The following CLSTN2 variants were observed in gnomAD, a reference collection of about 807,000 sequenced individuals.
CLSTN2 encodes calsyntenin-2.
CLSTN2 carries 48 observed loss-of-function variants against 101.2 expected under a neutral mutation model. The observed-to-expected ratio is 0.47, with a 90% CI of 0.38 to 0.60. The LOEUF (loss-of-function observed/expected upper bound fraction) is 0.60, where lower values mean the gene tolerates loss of function less well. Ranked by LOEUF, CLSTN2 falls within the 20% of genes least tolerant of loss-of-function variation. CLSTN2 has a pLI of 0.00. For missense variants in CLSTN2, 1,160 were observed against 1,238.2 expected (o/e 0.94, Z 0.95); for synonymous variants, 481 against 463.6 (o/e 1.04, Z -0.48).
intron 1 of CLSTN2, among the ~76,000 whole-genome samples, chr3:140,138,057 C>T (rs2009641586): frequency 6.6e-6 from 1 of 152,122 alleles, no homozygotes; most frequent in Non-Finnish European, 1.5e-5. Flanking sequence ...ATGGAAGGGT[C>T]TTTAGTAAGG....
intron 1 of CLSTN2, among the ~76,000 whole-genome samples, chr3:140,163,079 G>A (rs534153830): frequency 1.3e-5 from 2 of 152,142 alleles, no homozygotes; most frequent in African/African-American, 4.8e-5. Flanking sequence ...GTGATGATTA[G>A]TTTGTGATAT....
At chr3:140,198,991 G>T (rs553899614) in intron 2 of CLSTN2, among the ~76,000 whole-genome samples, 2 of 152,296 alleles carry the variant, frequency 1.3e-5, no homozygotes, top group Non-Finnish European at 2.9e-5. Context: ...TCCCAGGTAG[G>T]ATTCTCCAAG....
intron 2 of CLSTN2, among the ~76,000 whole-genome samples, chr3:140,188,816 G>A (rs917639018): frequency 2.6e-5 from 4 of 152,032 alleles, no homozygotes; most frequent in Non-Finnish European, 4.4e-5. Context: ...ATAACATCAC[G>A]CAAAGCTATG....
intron 2 of CLSTN2, among the ~76,000 whole-genome samples, chr3:140,307,092 G>GCT (rs892415033): frequency 2.0e-5 from 3 of 152,028 alleles, no homozygotes; most frequent in African/African-American, 7.2e-5. Context: ...CCCTGCACAA[G>GCT]CTCTCTCTCT....
chr3:140,406,216 T>C (rs2088300396), intron 4 of CLSTN2, among the ~76,000 whole-genome samples: 1 of 152,160 alleles, frequency 6.6e-6, no homozygotes, highest in South Asian at 2.1e-4. Context: ...TGAGACCAGG[T>C]AGAAACTTAC....
chr3:140,087,874 T>C (rs1315195505), intron 1 of CLSTN2, among the ~76,000 whole-genome samples: 1 of 152,104 alleles, frequency 6.6e-6, no homozygotes, highest in Non-Finnish European at 1.5e-5. Flanking sequence ...GATAGTAGTG[T>C]CTGGAAGGTG....
chr3:140,446,161 C>T (rs549109729), intron 5 of CLSTN2, among the ~76,000 whole-genome samples: 2 of 152,256 alleles, frequency 1.3e-5, no homozygotes, highest in African/African-American at 2.4e-5. Context: ...AAAAAGCCAC[C>T]TTTTGCTCCA....
chr3:140,329,936 T>C lies in CLSTN2; in HGVS notation c.233-73693T>C, dbSNP rs6802003. On this transcript the variant is annotated intron_variant, in intron 2 of 16. Coordinates refer to ENST00000458420, the MANE Select transcript of CLSTN2 (RefSeq NM_022131.3). ...TTTTCTTCCCCTGTTCAGGGAGGAA[T>C]GGCCCTGAGTGCCCAGCCTGGCCCC... Among the ~76,000 whole-genome samples, 750 of 152,322 alleles carry C rather than the reference T, an allele frequency of 4.9e-3. 12 individuals carry two copies. Among genetic ancestry groups the C allele is most frequent in the African/African-American group, 0.017 (713 of 41,584 alleles).
intron 2 of CLSTN2, among the ~76,000 whole-genome samples, chr3:140,296,280 G>A (rs535117440): frequency 1.4e-4 from 21 of 152,262 alleles, no homozygotes; most frequent in African/African-American, 4.3e-4. Context: ...AAACCAACCC[G>A]TTGGAAAGTT....
chr3:140,331,977 A>G (rs1193333322), intron 2 of CLSTN2, among the ~76,000 whole-genome samples: 1 of 152,196 alleles, frequency 6.6e-6, no homozygotes, highest in Non-Finnish European at 1.5e-5. Context: ...GTGTTTTCCA[A>G]TAATATGCTT....
chr3:140,483,364 T>C (rs952354914), intron 8 of CLSTN2, among the ~76,000 whole-genome samples: 16 of 152,230 alleles, frequency 1.1e-4, no homozygotes, highest in Non-Finnish European at 1.9e-4. Flanking sequence ...TACTTCCAAC[T>C]ATATGGTCAA....
intron 1 of CLSTN2, among the ~76,000 whole-genome samples, chr3:139,993,670 A>G (rs1936154058): frequency 6.6e-6 from 1 of 152,152 alleles, no homozygotes; most frequent in Non-Finnish European, 1.5e-5. Context: ...TGTTCTGATG[A>G]CTTTATTAAT....
intron 2 of CLSTN2, among the ~76,000 whole-genome samples, chr3:140,350,150 G>A (rs2087590151): frequency 6.6e-6 from 1 of 152,240 alleles, no homozygotes; most frequent in African/African-American, 2.4e-5. Context: ...GCAGATTAGA[G>A]TGGGGGTGGA....
intron 1 of CLSTN2, among the ~76,000 whole-genome samples, chr3:140,133,114 C>T (rs755837012): frequency 6.6e-6 from 1 of 152,122 alleles, no homozygotes; most frequent in African/African-American, 2.4e-5. Flanking sequence ...AGCTTTTGCT[C>T]ATAGCAGAAG....
chr3:140,315,135 T>C (rs936380619), intron 2 of CLSTN2, among the ~76,000 whole-genome samples: 6 of 152,192 alleles, frequency 3.9e-5, no homozygotes, highest in African/African-American at 1.4e-4. Flanking sequence ...GAGGATGGCC[T>C]TCACCCACAT....
intron 1 of CLSTN2, among the ~76,000 whole-genome samples, chr3:140,017,876 C>T (rs993835552): frequency 5.9e-5 from 9 of 152,222 alleles, no homozygotes; most frequent in East Asian, 5.8e-4. Context: ...GACCTGGGAG[C>T]GGCTTTATTG....
chr3:140,283,226 G>C (rs1265412269), intron 2 of CLSTN2, among the ~76,000 whole-genome samples: 2 of 152,162 alleles, frequency 1.3e-5, no homozygotes, highest in African/African-American at 4.8e-5. Flanking sequence ...AGCATCACTA[G>C]TTCAGGTGAA....
intron 1 of CLSTN2, among the ~76,000 whole-genome samples, chr3:140,152,430 T>C (rs2009882710): frequency 6.6e-6 from 1 of 152,210 alleles, no homozygotes; most frequent in African/African-American, 2.4e-5. Flanking sequence ...CCTTGACATA[T>C]ATTCTTAGGG....
At chr3:140,268,230 A>G (rs918467638) in intron 2 of CLSTN2, among the ~76,000 whole-genome samples, 1 of 152,128 alleles carries the variant, frequency 6.6e-6, no homozygotes, top group African/African-American at 2.4e-5. Context: ...AAGAGGGAGG[A>G]ATCATCCAGC....
Sources: allele counts gnomAD v4.1 joint callset (sites outside exome capture counted in the v4.1 genomes callset), GRCh38; gene constraint gnomAD v4.1.1; transcripts MANE v1.5; gene names NCBI Gene and HGNC (gene_info 2026-07-23, HGNC 2026-07-21).